TOP1MT: variants seen among roughly 807,000 people sequenced by gnomAD.
TOP1MT encodes the protein DNA topoisomerase I, mitochondrial.
A neutral mutation model predicts 73.9 loss-of-function variants in TOP1MT; 80 were observed. That is an observed-to-expected ratio of 1.08 (90% CI 0.90 to 1.30). The LOEUF is 1.30. TOP1MT is among the 50% of genes most tolerant of loss of function. The probability of loss-of-function intolerance (pLI) is 0.00; values close to 1 mark genes in which losing one functional copy is unlikely to be tolerated. For missense variants in TOP1MT, 815 were observed against 808.0 expected, an observed-to-expected ratio of 1.01 and a Z score of -0.10; for synonymous variants, 338 against 326.4, an observed-to-expected ratio of 1.04 and a Z score of -0.38.
At chr8:143,356,986 C>A (rs960744025), upstream of TOP1MT, among the ~76,000 whole-genome samples, 2 of 149,126 alleles carry the variant, frequency 1.3e-5, no homozygotes, top group Admixed American at 6.8e-5. Context: ...CCTAGCTACT[C>A]GGGAGGCTGA....
intron 3 of TOP1MT, among the ~76,000 whole-genome samples, chr8:143,326,603 CACA>C (rs911757665): frequency 3.9e-5 from 6 of 152,212 alleles, no homozygotes; most frequent in Non-Finnish European, 5.9e-5. Flanking sequence ...AAAGCAACTT[CACA>C]ACAAGTCAGT....
rs139956930 is a variant in TOP1MT at position 143,329,439 on chromosome 8, C to T, written c.271G>A (p.Glu91Lys). The T allele has an allele frequency of 6.2e-7, 1 of 1,611,014 alleles. No individual in the cohort carries two copies. The highest frequency in any genetic ancestry group is 8.5e-7 in the Non-Finnish European group (1 of 1,179,178). ...RPVRLSVAAE[E>K]VATFYGRMLD... ...ATCCTCCCATAAAAAGTGGCGACCT[C>T]CTCCGCTGCCACGCTCAATCTCACA... Residue 91 changes from glutamate to lysine, a missense_variant, in exon 3 of 14, where the codon GAG becomes AAG. By Grantham distance (56) the Glu-to-Lys change is moderately conservative. Transcript: ENST00000329245.
At chr8:143,323,432 CCA>C (rs1420698113) in intron 7 of TOP1MT, among the ~76,000 whole-genome samples, 144 of 98,118 alleles carry the variant, frequency 1.5e-3, no homozygotes, top group Admixed American at 1.7e-3. Flanking sequence ...CACAGGCACG[CCA>C]CACACGCACG....
Position 143,321,226 on chromosome 8 carries a change from T to C in TOP1MT, c.1121A>G (p.Tyr374Cys). The part of the protein sequence containing the change: ...DFLGKDCIRY[Y>C]NRVPVEKPVY... ...CGGCTTCTCCACCGGCACTCTGTTG[T>C]AGTAGCGGATGCAGTCCTTCCCCAG... Residue 374 changes from tyrosine (Y) to cysteine (C), a missense_variant, in exon 8 of 14, where the codon TAC (tyrosine) becomes TGC (cysteine). Physicochemically the swap from Tyr to Cys is radical, Grantham distance 194. Around this residue, in one of 3 missense-constraint regions of TOP1MT, gnomAD observed 751 missense variants for 725.4 expected, o/e 1.04. Transcript: ENST00000329245. 6.2e-7 allele frequency: 1 copy of C among 1,609,154 alleles called. No individual in the cohort carries two copies. The highest frequency in any genetic ancestry group is 8.5e-7 in the Non-Finnish European group (1 of 1,177,482).
Position 143,322,210 on chromosome 8 carries a change from C to T in TOP1MT, c.961-824G>A, listed in dbSNP as rs375568899. Among the ~76,000 whole-genome samples the T allele has an allele frequency of 5.2e-4, 42 of 80,044 alleles. 1 individual carries two copies. Among genetic ancestry groups the T allele is most frequent in the Admixed American group, 8.4e-4 (5 of 5,944 alleles). 52.5% of individuals were successfully genotyped at this position (80,044 alleles called of 152,430 possible). On this transcript the variant is annotated intron_variant, in intron 7 of 13. Transcript: ENST00000329245. The stretch of plus-strand genomic sequence containing the variant: ...CACAGGCACGCCACACACACAGGCA[C>T]GCCACACACAGGCACGCCACACACA...
intron 1 of TOP1MT, among the ~76,000 whole-genome samples, chr8:143,333,185 G>A (rs1214655001): frequency 2.0e-5 from 3 of 152,144 alleles, no homozygotes; most frequent in African/African-American, 7.2e-5. Flanking sequence ...GGTGACTCAC[G>A]CCTGTAATAC....
chr8:143,334,571 G>A (rs974920147), intron 1 of TOP1MT, among the ~76,000 whole-genome samples, 169 bp downstream of exon 1: 2 of 152,234 alleles, frequency 1.3e-5, no homozygotes, highest in Admixed American at 6.5e-5. Context: ...TGTACACCCC[G>A]GGCAGGAGGC....
chr8:143,322,630 TCA>T (rs200311117), intron 7 of TOP1MT, among the ~76,000 whole-genome samples: 18,433 of 35,944 alleles, frequency 0.51, 4,287 homozygotes, highest in African/African-American at 0.66. Flanking sequence ...CACAGGCACG[TCA>T]CACACACACG....
In TOP1MT at chr8:143,329,370, A is replaced by C. The variant is rs1322162542; in HGVS notation, c.340T>G (p.Phe114Val). The change falls in exon 3 of 14, where the codon TTC becomes GTC. Residue 114 changes from phenylalanine (F) to valine (V), a missense_variant. Physicochemically the swap from Phe to Val is conservative, Grantham distance 50. Transcript: ENST00000329245. ...YTTKEVFRKNFFNDWRKEMAV... is the reference protein window; with the variant it reads ...YTTKEVFRKNVFNDWRKEMAV... ...CCTACCTTTCGCCAGTCATTGAAGAAGTTCTTCCGGAAAACCTCCTTTGTT... is the reference window on the plus strand; with the variant it reads ...CCTACCTTTCGCCAGTCATTGAAGACGTTCTTCCGGAAAACCTCCTTTGTT... The C allele has an allele frequency of 6.2e-7, 1 of 1,607,902 alleles. No homozygotes were observed. Among genetic ancestry groups the C allele is most frequent in the Admixed American group, 1.7e-5 (1 of 58,208 alleles).
intron 13 of TOP1MT, 63 bp from the exon 14 acceptor site, chr8:143,309,606 G>T: frequency 1.2e-6 from 2 of 1,604,144 alleles, no homozygotes; most frequent in South Asian, 2.2e-5. Flanking sequence ...GCCAGGTCAG[G>T]GTGCTCGGCA....
At chr8:143,321,993 T>C (rs1204168199) in intron 7 of TOP1MT, among the ~76,000 whole-genome samples, 87 of 21,198 alleles carry the variant, frequency 4.1e-3, no homozygotes, top group East Asian at 0.012. Context: ...GCCACACACA[T>C]GCACGCCACA....
chr8:143,338,877 T>C (rs549436694), upstream of TOP1MT, among the ~76,000 whole-genome samples: 616 of 152,266 alleles, frequency 4.0e-3, 6 homozygotes, highest in Non-Finnish European at 5.9e-3. Context: ...GGCGGCCTCC[T>C]CCCCTTGTGC....
intron 12 of TOP1MT, among the ~76,000 whole-genome samples, chr8:143,315,508 A>G (rs753332978): frequency 3.9e-5 from 6 of 151,944 alleles, no homozygotes; most frequent in Non-Finnish European, 7.4e-5. Context: ...GCGCAGCCAG[A>G]CATTCGGGGC....
chr8:143,359,077 A>G (rs1188953751), upstream of TOP1MT, among the ~76,000 whole-genome samples: 1 of 151,774 alleles, frequency 6.6e-6, no homozygotes, highest in Non-Finnish European at 1.5e-5. Context: ...CCTGAGCTCA[A>G]ACGATCCTCC....
chr8:143,350,995 G>T (rs1388602706), intron 1 of TOP1MT, among the ~76,000 whole-genome samples: 1 of 152,092 alleles, frequency 6.6e-6, no homozygotes, highest in Non-Finnish European at 1.5e-5. Context: ...ACTCCCGCTG[G>T]TCGCTTCAGT....
Position 143,318,638 on chromosome 8 carries a change from G to A in TOP1MT, c.1147-552C>T, listed in dbSNP as rs556323109. 1.5e-3 allele frequency among the ~76,000 whole-genome samples: 227 copies of A among 152,306 alleles called. 2 individuals carry two copies. The highest frequency in any genetic ancestry group is 5.1e-3 in the African/African-American group (214 of 41,560). ...TACAAGTGGCAGGCACCCTCCCTGAGCGCTGGGCATCGGCTCCAGGGCGGA... is the reference window on the plus strand; with the variant it reads ...TACAAGTGGCAGGCACCCTCCCTGAACGCTGGGCATCGGCTCCAGGGCGGA... On this transcript the variant is annotated intron_variant, in intron 8 of 13. Transcript: ENST00000329245.
chr8:143,355,029 A>C (rs1173403900), intron 1 of TOP1MT, among the ~76,000 whole-genome samples: 1 of 152,246 alleles, frequency 6.6e-6, no homozygotes, highest in Non-Finnish European at 1.5e-5. Context: ...TCATTTGAAC[A>C]GATTCAGCAG....
At chr8:143,330,969 A>C (rs886932113) in intron 2 of TOP1MT, among the ~76,000 whole-genome samples, 2 of 152,086 alleles carry the variant, frequency 1.3e-5, no homozygotes, top group African/African-American at 4.8e-5. Context: ...CTTTGCCCAG[A>C]GGGTCCTGGA....
chr8:143,334,882 G>T (rs1400113320), upstream of TOP1MT: 4 of 1,418,918 alleles, frequency 2.8e-6, no homozygotes, highest in South Asian at 4.1e-5. Context: ...CCGGGAAAGA[G>T]CGACAAGCTG....
Sources: allele counts gnomAD v4.1 joint callset (sites outside exome capture counted in the v4.1 genomes callset), GRCh38; gene constraint gnomAD v4.1.1; regional missense constraint gnomAD v4.1.1; transcripts MANE v1.5; gene names NCBI Gene and HGNC (gene_info 2026-07-23, HGNC 2026-07-21).